Variants in KLHL42 observed in about 807,000 individuals in gnomAD.
KLHL42 encodes the protein kelch-like protein 42.
A neutral mutation model predicts 32.7 loss-of-function variants in KLHL42; 27 were observed. The ratio of observed to expected loss-of-function variants is 0.83; its 90% CI spans 0.61 to 1.14. The LOEUF (loss-of-function observed/expected upper bound fraction) is 1.14, where lower values mean the gene tolerates loss of function less well. KLHL42 is among the 50% of genes most tolerant of loss of function. The probability of loss-of-function intolerance (pLI) is 0.00; values close to 1 mark genes in which losing one functional copy is unlikely to be tolerated. For missense variants in KLHL42, 491 were observed against 560.8 expected, an observed-to-expected ratio of 0.88 and a Z score of 1.26; for synonymous variants, 267 against 248.2, an observed-to-expected ratio of 1.08 and a Z score of -0.71.
At position 27,780,726 on chromosome 12, in the gene KLHL42, G is replaced by C. The variant is rs1565480533; in HGVS notation, c.396G>C (p.Glu132Asp). Residue 132 changes from glutamate (E) to aspartate (D), a missense_variant, in exon 1 of 3, where the codon GAG (glutamate) becomes GAC (aspartate). Glu to Asp is a conservative substitution (Grantham distance 45). Around this residue, in one of 4 missense-constraint regions of KLHL42, gnomAD observed 248 missense variants for 329.2 expected, o/e 0.75. Coordinates refer to ENST00000381271, the MANE Select transcript of KLHL42 (RefSeq NM_020782.2). This position sits in a 1 kb window ranked among gnomAD's most constrained non-coding sequence, Gnocchi z 8.8. The part of the protein sequence containing the change: ...LSQVRLNNCL[E>D]MYRLAQVYGL... Reference sequence around the variant, plus strand: ...AGGTGCGGCTCAATAACTGCCTGGAGATGTACCGCCTGGCGCAGGTGTACG... The same window carrying C: ...AGGTGCGGCTCAATAACTGCCTGGACATGTACCGCCTGGCGCAGGTGTACG... 6.2e-7 allele frequency: 1 copy of C among 1,613,298 alleles called. No homozygotes were observed. The highest frequency in any genetic ancestry group is 1.7e-5 in the Admixed American group (1 of 60,020).
In KLHL42 at chr12:27,799,543, G is replaced by C. The variant is rs1026443230; in HGVS notation, c.*1377G>C. On this transcript the variant is annotated 3_prime_UTR_variant, in exon 3 of 3. Transcript: ENST00000381271. The stretch of plus-strand genomic sequence containing the variant: ...ATGTGCCTCACTTTAAGAAAGTCCT[G>C]TAGGGGAAAAAAAAAACTGTCAGAG... 1.3e-4 allele frequency: 20 copies of C among 152,190 alleles called. No individual in the cohort carries two copies. Among genetic ancestry groups the C allele is most frequent in the African/African-American group, 4.6e-4 (19 of 41,514 alleles). 9.4% of individuals were successfully genotyped at this position (152,190 alleles called of 1,614,324 possible). A position where few individuals can be genotyped will look rare whatever the true frequency, so the allele number is the denominator to read the frequency against.
At chr12:27,791,560 TTCC>T in intron 1 of KLHL42, 145 bp from the exon 2 acceptor site, 1 of 698,848 alleles carries the variant, frequency 1.4e-6, no homozygotes, top group Non-Finnish European at 2.5e-6. Context: ...AAGCCATCCT[TTCC>T]TCCTCTGTCC....
Position 27,780,522 on chromosome 12 carries a change from G to C in KLHL42, c.192G>C (p.Leu64=), listed in dbSNP as rs761352053. The change falls in exon 1 of 3, where the codon CTG becomes CTC. Residue 64 remains leucine (L), a synonymous_variant. Transcript: ENST00000381271. This position sits in a 1 kb window ranked among gnomAD's most constrained non-coding sequence, Gnocchi z 8.8. ...LRGLSAPGLR[L]VLDFINAGGA... ...GCCTCAGCGCGCCGGGCCTGCGGCT[G>C]GTGCTGGACTTCATCAACGCCGGCG... 3.6e-5 allele frequency: 55 copies of C among 1,523,668 alleles called. No individual in the cohort carries two copies. Among genetic ancestry groups the C allele is most frequent in the Non-Finnish European group, 4.6e-5 (52 of 1,140,242 alleles). 94.4% of individuals were successfully genotyped at this position (1,523,668 alleles called of 1,614,324 possible).
chr12:27,790,602 G>A (rs2062192184), intron 1 of KLHL42, among the ~76,000 whole-genome samples: 2 of 152,186 alleles, frequency 1.3e-5, no homozygotes, highest in African/African-American at 4.8e-5. Context: ...GTCTGAAGCT[G>A]ATAAGCAGCA....
At chr12:27,791,984 C>T in intron 2 of KLHL42, 83 bp downstream of exon 2, 1 of 1,111,900 alleles carries the variant, frequency 9.0e-7, no homozygotes, top group South Asian at 1.3e-5. Flanking sequence ...CAGAGGAAGC[C>T]CCGACATATC....
intron 1 of KLHL42, among the ~76,000 whole-genome samples, chr12:27,787,014 C>T (rs4931469): frequency 0.42 from 63,338 of 151,498 alleles, 15,331 homozygotes; most frequent in Non-Finnish European, 0.54. Context: ...CATGAGCCAC[C>T]GCGCCCGGCC....
intron 2 of KLHL42, among the ~76,000 whole-genome samples, chr12:27,795,448 TGG>T (rs1401011403): frequency 6.6e-6 from 1 of 152,142 alleles, no homozygotes; most frequent in Non-Finnish European, 1.5e-5. Flanking sequence ...ATACCCATGA[TGG>T]GATGGTTCAG....
At position 27,781,044 on chromosome 12, in the gene KLHL42, C is replaced by G. The variant is rs773820049; in HGVS notation, c.714C>G (p.Pro238=). Residue 238 remains proline (P), a synonymous_variant, in exon 1 of 3, where the codon CCC becomes CCG. Coordinates refer to ENST00000381271, the MANE Select transcript of KLHL42 (RefSeq NM_020782.2). ...TCCCGCTGGCCAACAACCTTCCTCC[C>G]GACCTGGTCAATGTCAGGGGCTATG... is the stretch of plus-strand genomic sequence containing the variant. The part of the protein sequence containing the change: ...RWFPLANNLP[P]DLVNVRGYGS... 7 of 1,613,726 alleles carry G rather than the reference C, an allele frequency of 4.3e-6. No individual in the cohort carries two copies. In the African/African-American group the frequency reaches 9.3e-5, roughly 22 times the overall value.
chr12:27,787,386 T>C (rs1255783575), intron 1 of KLHL42, among the ~76,000 whole-genome samples: 1 of 151,532 alleles, frequency 6.6e-6, no homozygotes, highest in Non-Finnish European at 1.5e-5. Context: ...TCCTAGCTAC[T>C]TGAGAGGCCG....
intron 1 of KLHL42, among the ~76,000 whole-genome samples, chr12:27,789,068 T>G (rs1046751735): frequency 1.3e-5 from 2 of 152,208 alleles, no homozygotes; most frequent in African/African-American, 4.8e-5. Context: ...TCACAGTCAG[T>G]GACTGTTGCA....
chr12:27,781,346 G>A, intron 1 of KLHL42, 144 bp downstream of exon 1: 2 of 1,036,502 alleles, frequency 1.9e-6, no homozygotes, highest in Non-Finnish European at 1.4e-6. Context: ...TGGCCTTGGC[G>A]CTGGCAAAAT....
At chr12:27,791,926 G>T in intron 2 of KLHL42, 25 bp downstream of exon 2, 3 of 1,606,410 alleles carry the variant, frequency 1.9e-6, no homozygotes, top group Non-Finnish European at 2.6e-6. Flanking sequence ...CAGGTAGGTG[G>T]TCTGCCCATG....
chr12:27,800,913 C>T lies in KLHL42; in HGVS notation c.*2747C>T, dbSNP rs1283762393. 4 of 152,054 alleles carry T rather than the reference C, an allele frequency of 2.6e-5. No individual in the cohort carries two copies. The highest frequency in any genetic ancestry group is 1.3e-4 in the Admixed American group (2 of 15,266). The allele number at this position is 152,054 out of a possible 1,614,324, so 9.4% of individuals were successfully genotyped here. On this transcript the variant is annotated 3_prime_UTR_variant, in exon 3 of 3. Transcript: ENST00000381271. Reference sequence around the variant, plus strand: ...GTGGCAGCCCCCCGACCAGAAGCACCCTATTTTATAGATAGCAGTCTGAAT... The same window carrying T: ...GTGGCAGCCCCCCGACCAGAAGCACTCTATTTTATAGATAGCAGTCTGAAT...
Position 27,799,518 on chromosome 12 carries a change from A to G in KLHL42, c.*1352A>G, listed in dbSNP as rs11609108. 6.6e-6 allele frequency: 1 copy of G among 152,168 alleles called. No homozygotes were observed. Among genetic ancestry groups the G allele is most frequent in the Admixed American group, 6.5e-5 (1 of 15,272 alleles). 9.4% of individuals were successfully genotyped at this position (152,168 alleles called of 1,614,324 possible). A position where few individuals can be genotyped will look rare whatever the true frequency, so the allele number is the denominator to read the frequency against. On this transcript the variant is annotated 3_prime_UTR_variant, in exon 3 of 3. Transcript: ENST00000381271. ...AGCGGGCAGAACCATTTCAGTTAGCATGTGCCTCACTTTAAGAAAGTCCTG... is the reference window on the plus strand; with the variant it reads ...AGCGGGCAGAACCATTTCAGTTAGCGTGTGCCTCACTTTAAGAAAGTCCTG...
In KLHL42 at chr12:27,791,908, G is replaced by T; in HGVS notation, c.1066+7G>T. The T allele has an allele frequency of 6.2e-7, 1 of 1,613,344 alleles. No individual in the cohort carries two copies. Among genetic ancestry groups the T allele is most frequent in the Non-Finnish European group, 8.5e-7 (1 of 1,179,692 alleles). On this transcript the variant is annotated splice_region_variant and intron_variant, in intron 2 of 2. Transcript: ENST00000381271. ...GGAGGATACACTACCAGAGGTAAGT[G>T]AAGGGACCAGGTAGGTGGTCTGCCC...
chr12:27,794,327 A>G (rs540561638), intron 2 of KLHL42, among the ~76,000 whole-genome samples: 1 of 152,184 alleles, frequency 6.6e-6, no homozygotes, highest in Admixed American at 6.5e-5. Context: ...TGGCTCCATG[A>G]TGCCCCTGCC....
chr12:27,801,797 AGT>A lies in KLHL42; in HGVS notation c.*3633_*3634del, dbSNP rs1565486805. On this transcript the variant is annotated 3_prime_UTR_variant, in exon 3 of 3. Coordinates refer to ENST00000381271, the MANE Select transcript of KLHL42 (RefSeq NM_020782.2). ...CACCAACCAAAATGACTTTGAAAGC[AGT>A]GAGCTGATTGAGCTCCAGTTCTGTG... The A allele has an allele frequency of 6.6e-6, 1 of 152,252 alleles. No individual in the cohort carries two copies. The allele number at this position is 152,252 out of a possible 1,614,324, so 9.4% of individuals were successfully genotyped here.
In KLHL42 at chr12:27,781,220, G is replaced by A. The variant is rs771101033; in HGVS notation, c.872+18G>A. The A allele has an allele frequency of 6.2e-7, 1 of 1,611,670 alleles. No homozygotes were observed. Among genetic ancestry groups the A allele is most frequent in the Middle Eastern group, 1.7e-4 (1 of 6,058 alleles). ...CAGAAGAGGTAAGCACCCCGGCAGA[G>A]TGCTGCTGCCTTCTCATTCATTCAC... On this transcript the variant is annotated intron_variant, in intron 1 of 2. Transcript: ENST00000381271.
At chr12:27,782,280 C>T (rs1310364516) in intron 1 of KLHL42, among the ~76,000 whole-genome samples, 3 of 152,128 alleles carry the variant, frequency 2.0e-5, no homozygotes, top group African/African-American at 4.8e-5. Flanking sequence ...GGGGAAATAA[C>T]TGGCTTTATT....
Sources: gnomAD v4.1 joint callset for allele counts (sites outside exome capture counted in the v4.1 genomes callset) on GRCh38, gnomAD v4.1.1 for gene constraint, gnomAD v4.1.1 regional missense constraint, Gnocchi (gnomAD v3.1) non-coding constraint, MANE v1.5 for transcripts, NCBI Gene and HGNC (gene_info 2026-07-23, HGNC 2026-07-21) for gene names.